The following ZNF846 variants were observed in gnomAD, a reference collection of about 807,000 sequenced individuals.
ZNF846 encodes zinc finger protein 420 pseudogene.
ZNF846 carries 15 observed loss-of-function variants against 16.0 expected under a neutral mutation model. That is an observed-to-expected ratio of 0.94 (90% CI 0.63 to 1.45). ZNF846 has a LOEUF of 1.45. ZNF846 is among the 40% of genes most tolerant of loss of function. ZNF846 has a pLI of 0.00. For synonymous variants in ZNF846, 229 were observed against 212.0 expected (o/e 1.08, Z -0.70); for missense variants, 714 against 622.3 (o/e 1.15, Z -1.57).
At chr19:9,769,273 G>T (rs539617068), upstream of ZNF846, among the ~76,000 whole-genome samples, 33 of 151,984 alleles carry the variant, frequency 2.2e-4, no homozygotes, top group African/African-American at 8.0e-4. Context: ...TAGACACTTG[G>T]GTCTCACTGT....
upstream of ZNF846, among the ~76,000 whole-genome samples, chr19:9,769,912 C>A (rs923901593): frequency 4.7e-5 from 7 of 150,218 alleles, no homozygotes; most frequent in Non-Finnish European, 7.4e-5. Flanking sequence ...ACCTAGGAGA[C>A]TGAGGTTGCA....
At chr19:9,758,294 T>C (rs1165543085) in exon 6 of ZNF846, 2 of 1,613,408 alleles carry the variant, frequency 1.2e-6, no homozygotes, top group African/African-American at 2.7e-5. Flanking sequence ...GAGTGAAAGC[T>C]TTACCACATT....
chr19:9,782,750 A>G (rs1475531792), intron 1 of ZNF846, among the ~76,000 whole-genome samples: 1 of 152,216 alleles, frequency 6.6e-6, no homozygotes, highest in African/African-American at 2.4e-5. Flanking sequence ...ACACAGCTAG[A>G]TGGAAAAGAA....
upstream of ZNF846, among the ~76,000 whole-genome samples, chr19:9,773,059 T>TAAAGA (rs551452545): frequency 4.0e-5 from 6 of 151,814 alleles, no homozygotes; most frequent in East Asian, 9.6e-4. Flanking sequence ...AGACCTTGTC[T>TAAAGA]AAAGAAAAGA....
chr19:9,783,629 C>G (rs2045528403), intron 1 of ZNF846, among the ~76,000 whole-genome samples: 1 of 147,914 alleles, frequency 6.8e-6, no homozygotes, highest in African/African-American at 2.5e-5. Context: ...TGGTCTCCAA[C>G]TCCTGAGCTC....
chr19:9,781,865 G>A (rs1356164669), intron 1 of ZNF846, among the ~76,000 whole-genome samples: 2 of 148,332 alleles, frequency 1.3e-5, no homozygotes, highest in Admixed American at 6.9e-5. Context: ...TACAACCTCC[G>A]CCTCCGGGTT....
intron 4 of ZNF846, among the ~76,000 whole-genome samples, chr19:9,760,701 A>G (rs941183187): frequency 4.0e-5 from 6 of 151,284 alleles, no homozygotes; most frequent in African/African-American, 1.2e-4. Flanking sequence ...ACTCTGTGTC[A>G]AAAAAGAAAA....
At chr19:9,769,223 C>T (rs557229844), upstream of ZNF846, among the ~76,000 whole-genome samples, 1 of 151,972 alleles carries the variant, frequency 6.6e-6, no homozygotes, top group Admixed American at 6.6e-5. Context: ...TAGCTTGGAC[C>T]ACAGTTGGGC....
intron 1 of ZNF846, among the ~76,000 whole-genome samples, chr19:9,776,774 C>T (rs1175204763): frequency 6.6e-6 from 1 of 152,156 alleles, no homozygotes; most frequent in Non-Finnish European, 1.5e-5. Context: ...CCCTGCAGTC[C>T]CTCATAGCAT....
chr19:9,783,540 A>AT (rs1415322257), intron 1 of ZNF846, among the ~76,000 whole-genome samples: 6,248 of 118,996 alleles, frequency 0.053, 176 homozygotes, highest in African/African-American at 0.097. Flanking sequence ...AAAAAAAAAA[A>AT]AAAAATATAT....
intron 1 of ZNF846, among the ~76,000 whole-genome samples, chr19:9,779,642 C>G (rs1365381879): frequency 1.3e-5 from 2 of 151,506 alleles, no homozygotes; most frequent in African/African-American, 4.9e-5. Context: ...GTGATCTCAG[C>G]TCACTGCAGC....
At chr19:9,768,624 A>G (rs2045358242), upstream of ZNF846, 1 of 152,016 alleles carries the variant, frequency 6.6e-6, no homozygotes, top group Non-Finnish European at 1.5e-5. Flanking sequence ...TCACCCTCCG[A>G]CCCTCGCTCC....
chr19:9,764,727 T>A, intron 2 of ZNF846: 1 of 597,868 alleles, frequency 1.7e-6, no homozygotes, highest in Middle Eastern at 4.6e-4. Flanking sequence ...CGTTGCACTG[T>A]GGGCTGCTGG....
intron 1 of ZNF846, among the ~76,000 whole-genome samples, chr19:9,778,722 G>C (rs2045471690): frequency 6.8e-6 from 1 of 146,012 alleles, no homozygotes; most frequent in South Asian, 2.2e-4. Context: ...AGAATTGCTT[G>C]AACCCAGGAG....
intron 1 of ZNF846, among the ~76,000 whole-genome samples, chr19:9,779,418 G>A (rs937283686): frequency 5.4e-5 from 8 of 148,916 alleles, no homozygotes; most frequent in African/African-American, 7.5e-5. Flanking sequence ...ACAGGCATGC[G>A]CCACCACGCC....
At chr19:9,761,710 C>CA (rs56126532) in intron 4 of ZNF846, among the ~76,000 whole-genome samples, 2,346 of 110,060 alleles carry the variant, frequency 0.021, 22 homozygotes, top group African/African-American at 0.038. Context: ...GACTCCATCT[C>CA]AAAAAAAAAA....
upstream of ZNF846, chr19:9,768,736 T>C (rs904199868): frequency 2.0e-5 from 3 of 152,394 alleles, no homozygotes; most frequent in Non-Finnish European, 4.4e-5. Context: ...GGGGAATACG[T>C]ATAGCTGCGC....
intron 1 of ZNF846, among the ~76,000 whole-genome samples, chr19:9,785,003 C>T (rs1162214268): frequency 6.6e-6 from 1 of 152,130 alleles, no homozygotes; most frequent in African/African-American, 2.4e-5. Flanking sequence ...TCTACATAGA[C>T]ACAGTAACAG....
chr19:9,748,622 T>C (rs1311177369), downstream of ZNF846, among the ~76,000 whole-genome samples: 1 of 152,192 alleles, frequency 6.6e-6, no homozygotes, highest in East Asian at 1.9e-4. Flanking sequence ...CCAAGGGCTC[T>C]ATTTTGTTCC....
Sources: gnomAD v4.1 joint callset for allele counts (sites outside exome capture counted in the v4.1 genomes callset) on GRCh38, gnomAD v4.1.1 for gene constraint, MANE v1.5 for transcripts, NCBI Gene and HGNC (gene_info 2026-07-23, HGNC 2026-07-21) for gene names.